RPS6KC1: variants seen among roughly 807,000 people sequenced by gnomAD.
The protein encoded by RPS6KC1 is ribosomal protein S6 kinase C1, also known as inactive ribosomal protein S6 kinase delta-1.
RPS6KC1 carries 54 observed loss-of-function variants against 103.8 expected under a neutral mutation model. That is an observed-to-expected ratio of 0.52 (90% CI 0.42 to 0.65). The LOEUF (loss-of-function observed/expected upper bound fraction) is 0.65. Among genes scored for constraint, RPS6KC1 ranks in the 30% least tolerant of loss-of-function variants. The probability of loss-of-function intolerance (pLI) is 0.00; values close to 1 mark genes in which losing one functional copy is unlikely to be tolerated. For missense variants in RPS6KC1, 1,151 were observed against 1,253.8 expected (o/e 0.92, Z 1.24); for synonymous variants, 439 against 438.7 (o/e 1.00, Z -0.01).
At chr1:213,401,030 C>T in the RPS6KC1 span, among the ~76,000 whole-genome samples, 8 of 152,222 alleles carry the variant, frequency 5.3e-5, no homozygotes, top group Middle Eastern at 3.4e-3. Flanking sequence ...TCTTAATGAA[C>T]AAATCAAAAT....
chr1:213,763,065 G>A, the RPS6KC1 span, among the ~76,000 whole-genome samples: 1 of 152,014 alleles, frequency 6.6e-6, no homozygotes, highest in East Asian at 1.9e-4. Context: ...CACCATGTTG[G>A]CCAGGCTGGT....
chr1:213,489,482 T>C, the RPS6KC1 span, among the ~76,000 whole-genome samples: 1 of 152,186 alleles, frequency 6.6e-6, no homozygotes, highest in Non-Finnish European at 1.5e-5. Flanking sequence ...CTGGGCCTTT[T>C]CATTCAATAA....
chr1:213,583,820 CAAAAAAAAAAAAAAAAAAGAA>C, the RPS6KC1 span, among the ~76,000 whole-genome samples: 2 of 76,668 alleles, frequency 2.6e-5, no homozygotes, highest in Non-Finnish European at 5.1e-5. Flanking sequence ...GATTCTGTCT[CAAAAAAAAAAAAAAAAAAGAA>C]AAAAGAAAAA....
chr1:213,122,093 A>G (rs1212078853), intron 5 of RPS6KC1, among the ~76,000 whole-genome samples: 1 of 152,130 alleles, frequency 6.6e-6, no homozygotes, highest in Non-Finnish European at 1.5e-5. Context: ...GGATCCCTTA[A>G]ATGACATTAA....
At chr1:213,786,375 T>C in the RPS6KC1 span, among the ~76,000 whole-genome samples, 1 of 152,200 alleles carries the variant, frequency 6.6e-6, no homozygotes, top group Admixed American at 6.5e-5. Flanking sequence ...TGTTAATATA[T>C]ATTTCCATAT....
chr1:213,469,188 A>C, the RPS6KC1 span, among the ~76,000 whole-genome samples: 1 of 152,122 alleles, frequency 6.6e-6, no homozygotes, highest in African/African-American at 2.4e-5. Flanking sequence ...TGGCTCAGAG[A>C]GATGCAGGAT....
chr1:213,178,560 C>A (rs972480478), intron 8 of RPS6KC1, among the ~76,000 whole-genome samples: 150 of 148,068 alleles, frequency 1.0e-3, no homozygotes, highest in Middle Eastern at 3.5e-3. Context: ...AACAAACAAA[C>A]AAAAAAAAAC....
At chr1:213,579,800 A>G in the RPS6KC1 span, among the ~76,000 whole-genome samples, 2 of 152,076 alleles carry the variant, frequency 1.3e-5, no homozygotes, top group Non-Finnish European at 2.9e-5. Flanking sequence ...AGCCTGGATG[A>G]CAGCACATCT....
the RPS6KC1 span, among the ~76,000 whole-genome samples, chr1:213,552,282 A>G: frequency 6.6e-6 from 1 of 152,244 alleles, no homozygotes; most frequent in Non-Finnish European, 1.5e-5. Context: ...CAAACAAACA[A>G]AAACCACTGA....
chr1:213,602,114 TTCTTTC>T, the RPS6KC1 span, among the ~76,000 whole-genome samples: 104 of 37,922 alleles, frequency 2.7e-3, 1 homozygote, highest in African/African-American at 7.4e-3. Flanking sequence ...CTTTCTTTCT[TTCTTTC>T]TCTTTCTTTC....
chr1:213,425,160 C>T, the RPS6KC1 span, among the ~76,000 whole-genome samples: 1 of 152,294 alleles, frequency 6.6e-6, no homozygotes, highest in South Asian at 2.1e-4. Context: ...TCTTTCCCCC[C>T]CTTAACAATA....
At chr1:213,250,880 G>A (rs998379740) in intron 12 of RPS6KC1, among the ~76,000 whole-genome samples, 4 of 152,136 alleles carry the variant, frequency 2.6e-5, no homozygotes, top group Admixed American at 1.3e-4. Flanking sequence ...TAGTGTAGTT[G>A]TCCTACAATA....
the RPS6KC1 span, among the ~76,000 whole-genome samples, chr1:213,354,396 A>G: frequency 6.6e-6 from 1 of 152,148 alleles, no homozygotes; most frequent in African/African-American, 2.4e-5. Context: ...AAACTTCACA[A>G]CTGCTCACCT....
chr1:213,237,697 A>C (rs2094254223), intron 10 of RPS6KC1, among the ~76,000 whole-genome samples: 1 of 152,100 alleles, frequency 6.6e-6, no homozygotes, highest in African/African-American at 2.4e-5. Context: ...CTTATAGAAA[A>C]ACAATAGACT....
At chr1:213,823,702 C>G in the RPS6KC1 span, among the ~76,000 whole-genome samples, 1 of 134,510 alleles carries the variant, frequency 7.4e-6, no homozygotes, top group African/African-American at 3.0e-5. Context: ...GTGACCATGA[C>G]ATCCTTGGTG....
chr1:213,403,529 T>G, the RPS6KC1 span, among the ~76,000 whole-genome samples: 2 of 152,196 alleles, frequency 1.3e-5, no homozygotes. Context: ...GTTCCTATAT[T>G]AGACCTTCAT....
At chr1:213,384,890 T>C in the RPS6KC1 span, among the ~76,000 whole-genome samples, 1 of 152,236 alleles carries the variant, frequency 6.6e-6, no homozygotes, top group African/African-American at 2.4e-5. Flanking sequence ...ATGCTGAAAG[T>C]CACACAGTTA....
At chr1:213,157,383 G>T (rs11120094) in intron 6 of RPS6KC1, among the ~76,000 whole-genome samples, 11,697 of 151,508 alleles carry the variant, frequency 0.077, 677 homozygotes, top group African/African-American at 0.16. Flanking sequence ...ATTTTTTTAT[G>T]TTTTTAGTAG....
At chr1:213,425,345 G>C in the RPS6KC1 span, among the ~76,000 whole-genome samples, 1 of 151,972 alleles carries the variant, frequency 6.6e-6, no homozygotes, top group Non-Finnish European at 1.5e-5. Context: ...TCTCTCTTTT[G>C]TTTCAGAAGC....
Sources: gnomAD v4.1 joint callset for allele counts (sites outside exome capture counted in the v4.1 genomes callset) on GRCh38, gnomAD v4.1.1 for gene constraint, MANE v1.5 for transcripts, NCBI Gene and HGNC (gene_info 2026-07-23, HGNC 2026-07-21) for gene names.